The following EDNRA variants were observed in gnomAD, a reference collection of about 807,000 sequenced individuals.
EDNRA encodes endothelin-1 receptor.
Under a neutral mutation model 41.4 loss-of-function variants are expected in EDNRA, and 11 were observed. The ratio of observed to expected loss-of-function variants is 0.27; its 90% CI spans 0.17 to 0.44. The LOEUF (loss-of-function observed/expected upper bound fraction) is 0.44, where lower values mean the gene tolerates loss of function less well. Among genes scored for constraint, EDNRA ranks in the 20% least tolerant of loss-of-function variants. The pLI is 1.00. For missense variants in EDNRA, 294 were observed against 531.0 expected (o/e 0.55, Z 4.39); for synonymous variants, 172 against 183.0 (o/e 0.94, Z 0.49).
At chr4:147,512,002 T>A (rs1729945416) in intron 2 of EDNRA, among the ~76,000 whole-genome samples, 1 of 152,198 alleles carries the variant, frequency 6.6e-6, no homozygotes, top group African/African-American at 2.4e-5. Flanking sequence ...CTTTCTAGCA[T>A]GAATCTCCTC....
intron 2 of EDNRA, among the ~76,000 whole-genome samples, chr4:147,508,243 A>G (rs1012902910): frequency 1.3e-5 from 2 of 152,158 alleles, no homozygotes; most frequent in African/African-American, 2.4e-5. Context: ...GGTTCAAGCG[A>G]TTCTCATGCC....
In EDNRA at chr4:147,523,461, GT is replaced by G. The variant is rs796601293; in HGVS notation, c.548+3492del. Among the ~76,000 whole-genome samples the G allele has an allele frequency of 6.9e-3, 907 of 131,026 alleles. 21 individuals are homozygous for G. Among genetic ancestry groups the G allele is most frequent in the African/African-American group, 0.025 (709 of 28,916 alleles). 86.0% of individuals were successfully genotyped at this position (131,026 alleles called of 152,430 possible). A position where few individuals can be genotyped will look rare whatever the true frequency, so the allele number is the denominator to read the frequency against. The stretch of plus-strand genomic sequence containing the variant: ...AGAGAGTCTGTTTTGTTGGGTGTTT[GT>G]TTTTTTTTGTTGTTGTTGTTTTTTT... On this transcript the variant is annotated intron_variant, in intron 3 of 7. Coordinates refer to ENST00000651419, the MANE Select transcript of EDNRA (RefSeq NM_001957.4).
intron 3 of EDNRA, 92 bp from the exon 4 acceptor site, chr4:147,532,414 T>C (rs1007697788): frequency 3.7e-6 from 4 of 1,075,726 alleles, no homozygotes; most frequent in Non-Finnish European, 4.2e-6. Context: ...GTATTGGCAA[T>C]GAGGAGGAAC....
chr4:147,539,560 T>C (rs910576898), intron 5 of EDNRA, among the ~76,000 whole-genome samples: 1 of 151,810 alleles, frequency 6.6e-6, no homozygotes, highest in African/African-American at 2.4e-5. Context: ...GCATATAACC[T>C]CCGTCCTGGC....
intron 2 of EDNRA, chr4:147,495,185 A>G (rs1729264226): frequency 6.6e-6 from 1 of 152,196 alleles, no homozygotes; most frequent in East Asian, 1.9e-4. Flanking sequence ...TCAAAGTCAC[A>G]CAGCTAGAAA....
Position 147,542,657 on chromosome 4 carries a change from C to A in EDNRA, c.*39C>A, listed in dbSNP as rs200186870. ...CACTCCTCGGTACTCCCATAATCCT[C>A]TCGGAGAAAAAAATCACAAGGCAAC... On this transcript the variant is annotated 3_prime_UTR_variant, in exon 8 of 8. Transcript: ENST00000651419. 2 of 1,590,928 alleles carry A rather than the reference C, an allele frequency of 1.3e-6. No homozygotes were observed. The highest frequency in any genetic ancestry group is 1.3e-5 in the African/African-American group (1 of 74,170).
At chr4:147,487,914 C>T (rs1293760274) in intron 2 of EDNRA, 1 of 152,190 alleles carries the variant, frequency 6.6e-6, no homozygotes, top group African/African-American at 2.4e-5. Context: ...TGCTACATAA[C>T]TTTAATCTTT....
intron 4 of EDNRA, among the ~76,000 whole-genome samples, chr4:147,535,205 G>A (rs185543934): frequency 2.2e-4 from 34 of 152,132 alleles, no homozygotes; most frequent in South Asian, 1.9e-3. Context: ...GAATAATCTC[G>A]GTATTTATAA....
intron 2 of EDNRA, among the ~76,000 whole-genome samples, chr4:147,509,737 C>T (rs562014115): frequency 2.6e-5 from 4 of 151,940 alleles, no homozygotes; most frequent in East Asian, 1.9e-4. Flanking sequence ...GAGAATCTAA[C>T]GCCTAATGAT....
At chr4:147,538,852 G>A (rs1560919922) in intron 5 of EDNRA, among the ~76,000 whole-genome samples, 1 of 152,130 alleles carries the variant, frequency 6.6e-6, no homozygotes, top group Non-Finnish European at 1.5e-5. Context: ...GTTTCAGGTT[G>A]AGCCAGCATT....
intron 7 of EDNRA, among the ~76,000 whole-genome samples, chr4:147,541,234 C>T (rs1183545295): frequency 6.6e-6 from 1 of 152,270 alleles, no homozygotes; most frequent in Non-Finnish European, 1.5e-5. Context: ...AACCTCCAGC[C>T]AGCTCAGCCA....
intron 4 of EDNRA, 23 bp from the exon 5 acceptor site, chr4:147,535,854 T>TG: frequency 1.4e-6 from 1 of 691,478 alleles, no homozygotes; most frequent in Non-Finnish European, 2.0e-6. Context: ...TCCTTTTCTC[T>TG]TTTTTTTTTT....
At chr4:147,495,505 G>T in intron 2 of EDNRA, 1 of 152,192 alleles carries the variant, frequency 6.6e-6, no homozygotes, top group East Asian at 1.9e-4. Context: ...GGGACATCTG[G>T]TGAACAGGAT....
intron 2 of EDNRA, chr4:147,506,015 T>G (rs1729703584): frequency 4.9e-6 from 2 of 404,938 alleles, no homozygotes; most frequent in Non-Finnish European, 9.5e-6. Flanking sequence ...TGAGCATGTA[T>G]CCCAGAGAAG....
At position 147,485,667 on chromosome 4, in the gene EDNRA, C is replaced by T; in HGVS notation, c.-15C>T. The T allele has an allele frequency of 1.9e-6, 3 of 1,565,988 alleles. No individual in the cohort carries two copies. Among genetic ancestry groups the T allele is most frequent in the Non-Finnish European group, 2.6e-6 (3 of 1,155,416 alleles). On this transcript the variant is annotated 5_prime_UTR_variant, in exon 2 of 8. Coordinates refer to ENST00000651419, the MANE Select transcript of EDNRA (RefSeq NM_001957.4). ...ACAAGTGCAATAAGAGATATTTCCT[C>T]AAATTTGCCTCAAGATGGAAACCCT...
intron 5 of EDNRA, among the ~76,000 whole-genome samples, chr4:147,538,541 A>T (rs994467327): frequency 6.6e-6 from 1 of 152,240 alleles, no homozygotes; most frequent in Non-Finnish European, 1.5e-5. Context: ...GTATGCACTC[A>T]GGAAAGGTAA....
intron 2 of EDNRA, chr4:147,506,553 G>A: frequency 3.6e-6 from 1 of 277,384 alleles, no homozygotes; most frequent in East Asian, 1.0e-4. Context: ...ATAAGCTCCA[G>A]CTAATAAACA....
intron 3 of EDNRA, among the ~76,000 whole-genome samples, chr4:147,527,715 C>T (rs1156839851): frequency 3.3e-5 from 5 of 152,146 alleles, no homozygotes; most frequent in Admixed American, 6.5e-5. Context: ...TATAGGCACA[C>T]GCACTAACAA....
At chr4:147,526,318 A>G (rs79437135) in intron 3 of EDNRA, among the ~76,000 whole-genome samples, 1 of 152,164 alleles carries the variant, frequency 6.6e-6, no homozygotes, top group Non-Finnish European at 1.5e-5. Flanking sequence ...AATTTGGGCA[A>G]TTCTTCTGCT....
Sources: gnomAD v4.1 joint callset for allele counts (sites outside exome capture counted in the v4.1 genomes callset) on GRCh38, gnomAD v4.1.1 for gene constraint, MANE v1.5 for transcripts, NCBI Gene and HGNC (gene_info 2026-07-23, HGNC 2026-07-21) for gene names.